TRPS1: variants seen among roughly 807,000 people sequenced by gnomAD.
TRPS1 encodes the protein transcriptional repressor GATA binding 1.
TRPS1 carries 6 observed loss-of-function variants against 101.2 expected under a neutral mutation model. The observed-to-expected ratio is 0.06, with a 90% CI of 0.03 to 0.12. The LOEUF is 0.12. Ranked by LOEUF, TRPS1 falls within the 10% of genes least tolerant of loss-of-function variation. The pLI, the probability that TRPS1 is intolerant of heterozygous loss-of-function variation, is 1.00. For synonymous variants in TRPS1, 578 were observed against 589.8 expected (o/e 0.98, Z 0.29); for missense variants, 1,363 against 1,567.0 (o/e 0.87, Z 2.20).
chr8:115,486,720 G>T (rs1398885867), intron 5 of TRPS1, among the ~76,000 whole-genome samples: 1 of 152,276 alleles, frequency 6.6e-6, no homozygotes, highest in East Asian at 1.9e-4. Flanking sequence ...CCCAAAGCAA[G>T]GCCCTAATTC....
At chr8:115,417,245 T>A (rs1289212972) in intron 6 of TRPS1, among the ~76,000 whole-genome samples, 1 of 152,074 alleles carries the variant, frequency 6.6e-6, no homozygotes, top group African/African-American at 2.4e-5. Context: ...TTAAAAAAAA[T>A]AAGTTGGTAT....
At position 115,587,190 on chromosome 8, in the gene TRPS1, T is replaced by G; in HGVS notation, c.2511A>C (p.Thr837=). 2 of 1,614,218 alleles carry G rather than the reference T, an allele frequency of 1.2e-6. No homozygotes were observed. Among genetic ancestry groups the G allele is most frequent in the Middle Eastern group, 1.6e-4 (1 of 6,062 alleles). The change falls in exon 5 of 7, where the codon ACA becomes ACC. Residue 837 remains threonine (T), a synonymous_variant. Coordinates refer to ENST00000395715, the MANE Select transcript of TRPS1 (RefSeq NM_014112.5). ...CATTGGGACTATCCCTTAGAGTCTT[T>G]GTCTGCTCTTGGGTGCCAGACACAG... ...LTPVSGTQEQ[T]KTLRDSPNVE... is the part of the protein sequence containing the mutation.
intron 5 of TRPS1, among the ~76,000 whole-genome samples, chr8:115,483,675 A>G (rs1814811266): frequency 6.6e-6 from 1 of 152,314 alleles, no homozygotes; most frequent in South Asian, 2.1e-4. Context: ...CAATATTAAC[A>G]TTCTGGTCTA....
At chr8:115,637,784 A>C (rs756390544) in intron 1 of TRPS1, among the ~76,000 whole-genome samples, 4 of 152,194 alleles carry the variant, frequency 2.6e-5, no homozygotes, top group Admixed American at 6.5e-5. Flanking sequence ...TTGCTGAACA[A>C]GCTTCATGAA....
chr8:115,469,397 T>G (rs1477999613), intron 5 of TRPS1, among the ~76,000 whole-genome samples: 1 of 152,002 alleles, frequency 6.6e-6, no homozygotes, highest in Non-Finnish European at 1.5e-5. Context: ...AATAAGGAAT[T>G]TTTTTTTGAG....
At chr8:115,632,114 C>A (rs905076705) in intron 1 of TRPS1, among the ~76,000 whole-genome samples, 5 of 151,834 alleles carry the variant, frequency 3.3e-5, no homozygotes, top group African/African-American at 4.8e-5. Context: ...AATAAGAGTA[C>A]CATAATCAGT....
At chr8:115,560,236 A>T (rs1816915013) in intron 5 of TRPS1, among the ~76,000 whole-genome samples, 1 of 152,178 alleles carries the variant, frequency 6.6e-6, no homozygotes, top group African/African-American at 2.4e-5. Context: ...TTTATAAAAC[A>T]GGTCAGGAAA....
At chr8:115,635,398 T>C (rs918420679) in intron 1 of TRPS1, among the ~76,000 whole-genome samples, 7 of 152,168 alleles carry the variant, frequency 4.6e-5, no homozygotes, top group African/African-American at 1.4e-4. Flanking sequence ...AGTGATATGA[T>C]AACTGATGCT....
At chr8:115,429,316 T>C (rs553544371) in intron 5 of TRPS1, among the ~76,000 whole-genome samples, 1 of 152,278 alleles carries the variant, frequency 6.6e-6, no homozygotes, top group Admixed American at 6.5e-5. Context: ...CGTCCATTAG[T>C]GGGACTGGCT....
chr8:115,663,129 G>A (rs1242729371), intron 1 of TRPS1, among the ~76,000 whole-genome samples: 1 of 152,034 alleles, frequency 6.6e-6, no homozygotes, highest in Admixed American at 6.6e-5. Context: ...AAGAGCAATT[G>A]GAGAAATCCA....
chr8:115,455,768 T>A (rs2129947423), intron 5 of TRPS1, among the ~76,000 whole-genome samples: 1 of 145,834 alleles, frequency 6.9e-6, no homozygotes, highest in South Asian at 2.2e-4. Context: ...TCTTTCTTTC[T>A]TTCTTTCTTT....
chr8:115,471,652 A>C (rs1814472826), intron 5 of TRPS1, among the ~76,000 whole-genome samples: 2 of 152,286 alleles, frequency 1.3e-5, no homozygotes, highest in South Asian at 2.1e-4. Context: ...CCAAAGTCTC[A>C]TCTGAAACAA....
At chr8:115,531,191 G>A (rs1207714819) in intron 5 of TRPS1, among the ~76,000 whole-genome samples, 1 of 152,126 alleles carries the variant, frequency 6.6e-6, no homozygotes, top group Non-Finnish European at 1.5e-5. Context: ...CTGCAAAAAC[G>A]AATGATATAG....
At chr8:115,559,924 A>C (rs1311201543) in intron 5 of TRPS1, among the ~76,000 whole-genome samples, 2 of 152,042 alleles carry the variant, frequency 1.3e-5, no homozygotes, top group East Asian at 3.9e-4. Flanking sequence ...TTATATACTT[A>C]TAGAAATACT....
chr8:115,426,262 C>A (rs371593642), intron 5 of TRPS1, among the ~76,000 whole-genome samples: 103 of 152,224 alleles, frequency 6.8e-4, no homozygotes, highest in African/African-American at 2.4e-3. Flanking sequence ...AGTGTGACAG[C>A]ACAAGAGTTG....
chr8:115,432,018 A>G (rs963014057), intron 5 of TRPS1, among the ~76,000 whole-genome samples: 1 of 151,818 alleles, frequency 6.6e-6, no homozygotes, highest in East Asian at 1.9e-4. Flanking sequence ...GCTTTTCAAA[A>G]AAAGTAGCTT....
chr8:115,630,241 ATACAGGAGTAAGAC>A (rs1294244715), intron 1 of TRPS1, among the ~76,000 whole-genome samples: 1 of 152,004 alleles, frequency 6.6e-6, no homozygotes, highest in Non-Finnish European at 1.5e-5. Flanking sequence ...GTGATGTGAC[ATACAGGAGTAAGAC>A]TACAGAATTC....
chr8:115,536,156 T>C (rs1486731458), intron 5 of TRPS1, among the ~76,000 whole-genome samples: 1 of 152,118 alleles, frequency 6.6e-6, no homozygotes, highest in Non-Finnish European at 1.5e-5. Context: ...AAGATGTAAT[T>C]TTACATAATG....
At chr8:115,581,259 T>C (rs1586425528) in intron 5 of TRPS1, among the ~76,000 whole-genome samples, 1 of 149,150 alleles carries the variant, frequency 6.7e-6, no homozygotes, top group South Asian at 2.1e-4. Context: ...ATAGGAAGGG[T>C]AGGGGGAAAG....
Sources: allele counts gnomAD v4.1 joint callset (sites outside exome capture counted in the v4.1 genomes callset), GRCh38; gene constraint gnomAD v4.1.1; transcripts MANE v1.5; gene names NCBI Gene and HGNC (gene_info 2026-07-23, HGNC 2026-07-21).